ARK2C: variants seen among roughly 807,000 people sequenced by gnomAD.
The protein encoded by ARK2C is E3 ubiquitin-protein ligase ARK2C.
At chr18:46,430,955 AC>A in the ARK2C span, among the ~76,000 whole-genome samples, 2 of 152,150 alleles carry the variant, frequency 1.3e-5, no homozygotes, top group Non-Finnish European at 2.9e-5. Context: ...CGGGTTTGTT[AC>A]ATAGGTATAC....
chr18:46,454,579 A>G, the ARK2C span, among the ~76,000 whole-genome samples: 1 of 152,230 alleles, frequency 6.6e-6, no homozygotes, highest in Non-Finnish European at 1.5e-5. Flanking sequence ...CAGTGAGGTT[A>G]CAGTATTCCC....
the ARK2C span, among the ~76,000 whole-genome samples, chr18:46,373,057 T>C: frequency 1.1e-4 from 16 of 152,350 alleles, no homozygotes; most frequent in Admixed American, 7.2e-4. Flanking sequence ...TGTGCACACA[T>C]TGGAGGATGT....
chr18:46,397,196 G>A, the ARK2C span, among the ~76,000 whole-genome samples: 1 of 152,198 alleles, frequency 6.6e-6, no homozygotes, highest in Admixed American at 6.5e-5. Context: ...TTAGGTAGAT[G>A]TCATGCCTCT....
chr18:46,461,538 G>C, the ARK2C span: 5 of 152,126 alleles, frequency 3.3e-5, no homozygotes, highest in East Asian at 5.8e-4. Context: ...CCAGCTACTC[G>C]GGAGGCTGAG....
At chr18:46,431,491 G>C in the ARK2C span, among the ~76,000 whole-genome samples, 13 of 152,160 alleles carry the variant, frequency 8.5e-5, no homozygotes, top group African/African-American at 3.1e-4. Context: ...ATTTTCTTTA[G>C]AGAAGCATCC....
At chr18:46,361,095 G>C in the ARK2C span, among the ~76,000 whole-genome samples, 1 of 152,334 alleles carries the variant, frequency 6.6e-6, no homozygotes, top group African/African-American at 2.4e-5. Flanking sequence ...ACTGGGCTGT[G>C]AGCACATTTT....
the ARK2C span, among the ~76,000 whole-genome samples, chr18:46,393,137 T>G: frequency 6.6e-6 from 1 of 152,232 alleles, no homozygotes; most frequent in African/African-American, 2.4e-5. Context: ...AGACTTTTTC[T>G]GATCAGATTT....
the ARK2C span, chr18:46,336,701 C>T: frequency 1.0e-6 from 1 of 985,326 alleles, no homozygotes; most frequent in Non-Finnish European, 1.2e-6. Context: ...GTATCTTCAT[C>T]TTGTTTAGCC....
the ARK2C span, among the ~76,000 whole-genome samples, chr18:46,376,963 C>G: frequency 6.6e-6 from 1 of 152,032 alleles, no homozygotes; most frequent in African/African-American, 2.4e-5. Flanking sequence ...CCACAGGGCC[C>G]GGCCAAGAAT....
the ARK2C span, among the ~76,000 whole-genome samples, chr18:46,410,683 T>C: frequency 1.7e-3 from 256 of 152,340 alleles, no homozygotes; most frequent in African/African-American, 5.9e-3. Flanking sequence ...GGAGCCTCCC[T>C]GACAAACAAA....
chr18:46,450,628 C>A, the ARK2C span: 2 of 1,191,968 alleles, frequency 1.7e-6, no homozygotes, highest in Non-Finnish European at 2.5e-6. Flanking sequence ...TGTCTTCCAG[C>A]TCCCAATCCA....
At chr18:46,382,155 G>A in the ARK2C span, among the ~76,000 whole-genome samples, 1 of 152,182 alleles carries the variant, frequency 6.6e-6, no homozygotes, top group South Asian at 2.1e-4. Context: ...GGCAAGGTCT[G>A]GTATCTGAAC....
chr18:46,440,161 G>A, the ARK2C span, among the ~76,000 whole-genome samples: 4 of 151,994 alleles, frequency 2.6e-5, no homozygotes, highest in African/African-American at 7.2e-5. Flanking sequence ...TTGTTCTCTC[G>A]CTTCCCCGGT....
the ARK2C span, chr18:46,433,182 C>A: frequency 2.6e-6 from 4 of 1,564,916 alleles, no homozygotes; most frequent in Non-Finnish European, 2.6e-6. Flanking sequence ...TCTGTCCTTG[C>A]CTTCCAGGTG....
chr18:46,363,940 C>CT, the ARK2C span, among the ~76,000 whole-genome samples: 12 of 140,394 alleles, frequency 8.5e-5, 1 homozygote, highest in African/African-American at 3.3e-4. Flanking sequence ...TTTCTTTTTT[C>CT]TTTTCTTTTT....
the ARK2C span, among the ~76,000 whole-genome samples, chr18:46,373,945 G>T: frequency 6.6e-6 from 1 of 151,670 alleles, no homozygotes; most frequent in Non-Finnish European, 1.5e-5. Context: ...CAGTTGCTCC[G>T]ACAAAGGGGC....
chr18:46,381,039 T>G, the ARK2C span, among the ~76,000 whole-genome samples: 7 of 152,100 alleles, frequency 4.6e-5, no homozygotes, highest in Non-Finnish European at 1.0e-4. Flanking sequence ...TGTGTGGGAG[T>G]GTGGGGGAAG....
the ARK2C span, chr18:46,450,286 T>C: frequency 3.1e-6 from 5 of 1,601,670 alleles, no homozygotes; most frequent in African/African-American, 6.7e-5. Context: ...AGGCGTTTTC[T>C]ACCCAACAGG....
chr18:46,357,040 C>T, the ARK2C span, among the ~76,000 whole-genome samples: 1 of 152,074 alleles, frequency 6.6e-6, no homozygotes, highest in Non-Finnish European at 1.5e-5. Flanking sequence ...ATCCACATTC[C>T]CAGGCCCTAC....
Sources: allele counts gnomAD v4.1 joint callset (sites outside exome capture counted in the v4.1 genomes callset), GRCh38; gene constraint gnomAD v4.1.1; transcripts MANE v1.5; gene names NCBI Gene and HGNC (gene_info 2026-07-23, HGNC 2026-07-21).